Variants in GRID1 observed in about 807,000 individuals in gnomAD.
The protein encoded by GRID1 is glutamate ionotropic receptor delta type subunit 1, also known as glutamate receptor ionotropic, delta-1.
A neutral mutation model predicts 98.0 loss-of-function variants in GRID1; 28 were observed. The observed-to-expected ratio is 0.29, with a 90% CI of 0.21 to 0.39. The LOEUF is 0.39. Ranked by LOEUF, GRID1 falls within the 10% of genes least tolerant of loss-of-function variation. GRID1 has a pLI of 1.00. For missense variants in GRID1, 1,111 were observed against 1,340.5 expected, an observed-to-expected ratio of 0.83 and a Z score of 2.67; for synonymous variants, 553 against 538.5, an observed-to-expected ratio of 1.03 and a Z score of -0.37.
intron 2 of GRID1, among the ~76,000 whole-genome samples, chr10:86,343,554 G>A (rs1240224988): frequency 1.3e-5 from 2 of 152,224 alleles, no homozygotes; most frequent in African/African-American, 4.8e-5. Context: ...ATTCCTTGCA[G>A]AGAAATATTC....
intron 4 of GRID1, among the ~76,000 whole-genome samples, chr10:86,137,367 A>T (rs1844942667): frequency 6.6e-6 from 1 of 152,186 alleles, no homozygotes; most frequent in Admixed American, 6.5e-5. Flanking sequence ...AGGAGCTGGG[A>T]CTTGCCCCCA....
At chr10:86,156,384 A>G (rs966633147) in intron 3 of GRID1, among the ~76,000 whole-genome samples, 14 of 152,206 alleles carry the variant, frequency 9.2e-5, no homozygotes, top group African/African-American at 3.1e-4. Context: ...AGCCTGTCAG[A>G]GCCCTTCCCT....
intron 4 of GRID1, among the ~76,000 whole-genome samples, chr10:86,018,430 C>T (rs1389902497): frequency 6.6e-6 from 1 of 152,220 alleles, no homozygotes; most frequent in Non-Finnish European, 1.5e-5. Flanking sequence ...TGCTACAAGA[C>T]AGACGGCAGC....
intron 13 of GRID1, among the ~76,000 whole-genome samples, chr10:85,635,070 C>T (rs948120204): frequency 7.0e-6 from 1 of 143,204 alleles, no homozygotes; most frequent in African/African-American, 2.6e-5. Flanking sequence ...CTCCCACTTC[C>T]TCTAATAAGA....
intron 2 of GRID1, among the ~76,000 whole-genome samples, chr10:86,362,617 C>T (rs1273601418): frequency 6.6e-6 from 1 of 152,180 alleles, no homozygotes; most frequent in Non-Finnish European, 1.5e-5. Flanking sequence ...CGGTCCCTGC[C>T]CCCAGAGCTG....
chr10:86,049,362 C>T (rs982766656), intron 4 of GRID1, among the ~76,000 whole-genome samples: 5 of 152,320 alleles, frequency 3.3e-5, no homozygotes, highest in Admixed American at 6.5e-5. Context: ...CTTGACCCAA[C>T]GTTCCAGCAG....
At chr10:86,020,357 C>T (rs561804098) in intron 4 of GRID1, among the ~76,000 whole-genome samples, 7 of 152,318 alleles carry the variant, frequency 4.6e-5, no homozygotes, top group African/African-American at 7.2e-5. Flanking sequence ...TGGTTCCTGG[C>T]GCTGACCGAC....
chr10:85,903,315 A>C (rs1264340822), intron 5 of GRID1, among the ~76,000 whole-genome samples: 1 of 152,112 alleles, frequency 6.6e-6, no homozygotes, highest in African/African-American at 2.4e-5. Context: ...AAACAAATGA[A>C]AACTCTAGAA....
intron 2 of GRID1, among the ~76,000 whole-genome samples, chr10:86,240,932 T>C (rs1048901561): frequency 6.6e-6 from 1 of 152,340 alleles, no homozygotes; most frequent in East Asian, 1.9e-4. Context: ...AAGGTGTCCC[T>C]GCCAGGCTGG....
intron 4 of GRID1, among the ~76,000 whole-genome samples, chr10:86,101,079 C>T (rs982097596): frequency 4.0e-5 from 6 of 151,808 alleles, no homozygotes; most frequent in African/African-American, 1.5e-4. Flanking sequence ...TTTTTCCAAG[C>T]AGAGAGGAAA....
At position 86,016,577 on chromosome 10, in the gene GRID1, G is replaced by A. The variant is rs186585971; in HGVS notation, c.727-100338C>T. Among the ~76,000 whole-genome samples, 115 of 152,254 alleles carry A rather than the reference G, an allele frequency of 7.6e-4. 2 individuals carry two copies. The highest frequency in any genetic ancestry group is 3.7e-3 in the Admixed American group (57 of 15,296). ...TCTTCACTCCTATCCCCCAGCAGCC[G>A]AGAACAGCGTCTAGCACAAAGTAGT... is the stretch of plus-strand genomic sequence containing the variant. On this transcript the variant is annotated intron_variant, in intron 4 of 15. Transcript: ENST00000327946.
chr10:85,948,767 T>A (rs1219716689), intron 4 of GRID1, among the ~76,000 whole-genome samples: 1 of 152,224 alleles, frequency 6.6e-6, no homozygotes, highest in Non-Finnish European at 1.5e-5. Flanking sequence ...ATCCTGTTTT[T>A]TTGACATTCT....
chr10:85,702,867 G>T (rs1297356492), intron 12 of GRID1, among the ~76,000 whole-genome samples: 1 of 151,402 alleles, frequency 6.6e-6, no homozygotes, highest in African/African-American at 2.4e-5. Context: ...AAGAAAAAAG[G>T]GGAGGAGAAG....
At position 85,794,071 on chromosome 10, in the gene GRID1, G is replaced by A. The variant is rs997248481; in HGVS notation, c.1233+60425C>T. Among the ~76,000 whole-genome samples, 77 of 152,272 alleles carry A rather than the reference G, an allele frequency of 5.1e-4. 1 individual carries two copies. Among genetic ancestry groups the A allele is most frequent in the African/African-American group, 1.7e-3 (69 of 41,570 alleles). Reference sequence around the variant, plus strand: ...TCTTTCCTTCAAGAAGCATCTCCTTGAAGGACAGCATCTCCGAGCACACTT... The same window carrying A: ...TCTTTCCTTCAAGAAGCATCTCCTTAAAGGACAGCATCTCCGAGCACACTT... On this transcript the variant is annotated intron_variant, in intron 8 of 15. Coordinates refer to ENST00000327946, the MANE Select transcript of GRID1 (RefSeq NM_017551.3).
intron 8 of GRID1, among the ~76,000 whole-genome samples, chr10:85,768,433 C>T (rs1341592507): frequency 6.6e-6 from 1 of 150,644 alleles, no homozygotes; most frequent in African/African-American, 2.4e-5. Context: ...ATGATAATAA[C>T]AAAAAGAAAA....
At chr10:85,909,605 A>C (rs917978738) in intron 5 of GRID1, among the ~76,000 whole-genome samples, 1 of 152,238 alleles carries the variant, frequency 6.6e-6, no homozygotes, top group Non-Finnish European at 1.5e-5. Flanking sequence ...TTGCAACATA[A>C]GATGAATCTC....
chr10:86,248,062 C>T (rs528402024), intron 2 of GRID1, among the ~76,000 whole-genome samples: 1 of 152,342 alleles, frequency 6.6e-6, no homozygotes, highest in East Asian at 1.9e-4. Flanking sequence ...AGCTGCCCAC[C>T]CCTCAAACTG....
chr10:85,731,813 AG>A (rs754175203), intron 8 of GRID1, among the ~76,000 whole-genome samples: 2,095 of 131,204 alleles, frequency 0.016, 29 homozygotes, highest in South Asian at 0.026. Flanking sequence ...AAAAAAAAAA[AG>A]AAGAAGAAGG....
chr10:85,877,713 C>T (rs567369939), intron 5 of GRID1, among the ~76,000 whole-genome samples: 3 of 151,910 alleles, frequency 2.0e-5, no homozygotes, highest in Admixed American at 6.6e-5. Flanking sequence ...AAGCAGAGCA[C>T]CTCTCCTCCT....
Sources: gnomAD v4.1 joint callset for allele counts (sites outside exome capture counted in the v4.1 genomes callset) on GRCh38, gnomAD v4.1.1 for gene constraint, MANE v1.5 for transcripts, NCBI Gene and HGNC (gene_info 2026-07-23, HGNC 2026-07-21) for gene names.